Variants in SORCS2 observed in about 807,000 individuals in gnomAD.
SORCS2 encodes sortilin related VPS10 domain containing receptor 2.
A neutral mutation model predicts 141.6 loss-of-function variants in SORCS2; 100 were observed. The observed-to-expected ratio is 0.71, with a 90% CI of 0.60 to 0.83. The LOEUF (loss-of-function observed/expected upper bound fraction) is 0.83. SORCS2 is among the 40% of genes least tolerant of loss of function. SORCS2 has a pLI of 0.00. For synonymous variants in SORCS2, 789 were observed against 676.9 expected (o/e 1.17, Z -2.57); for missense variants, 1,646 against 1,560.2 (o/e 1.05, Z -0.93).
intron 1 of SORCS2, among the ~76,000 whole-genome samples, chr4:7,310,973 C>T (rs1323109919): frequency 3.9e-5 from 6 of 152,174 alleles, no homozygotes; most frequent in Admixed American, 6.5e-5. Flanking sequence ...TCAAAGTGCA[C>T]GATGTGCTGA....
intron 18 of SORCS2, among the ~76,000 whole-genome samples, chr4:7,722,722 G>C (rs777176674): frequency 6.6e-6 from 1 of 152,214 alleles, no homozygotes; most frequent in Non-Finnish European, 1.5e-5. Flanking sequence ...GTCACATTCT[G>C]AGGTTCCCGG....
intron 1 of SORCS2, among the ~76,000 whole-genome samples, chr4:7,219,543 C>A (rs1025684468): frequency 6.6e-6 from 1 of 152,156 alleles, no homozygotes; most frequent in Non-Finnish European, 1.5e-5. Context: ...AGGAAACTTA[C>A]GATCATGGTG....
chr4:7,699,860 G>C (rs913388442), intron 12 of SORCS2, among the ~76,000 whole-genome samples: 1 of 152,110 alleles, frequency 6.6e-6, no homozygotes, highest in Non-Finnish European at 1.5e-5. Flanking sequence ...GGAGCCCTTT[G>C]CTTGGGAATT....
At chr4:7,445,451 G>A (rs1342526231) in intron 2 of SORCS2, among the ~76,000 whole-genome samples, 1 of 152,164 alleles carries the variant, frequency 6.6e-6, no homozygotes, top group Admixed American at 6.5e-5. Context: ...CTGGAGGGAG[G>A]AATTTGGGTG....
At chr4:7,558,463 T>C (rs571104719) in intron 3 of SORCS2, among the ~76,000 whole-genome samples, 15 of 152,282 alleles carry the variant, frequency 9.9e-5, no homozygotes, top group African/African-American at 3.4e-4. Flanking sequence ...ACCCAGATGA[T>C]CCTGCCCCAG....
chr4:7,609,343 C>T (rs1718259016), intron 3 of SORCS2, among the ~76,000 whole-genome samples: 1 of 152,204 alleles, frequency 6.6e-6, no homozygotes, highest in Non-Finnish European at 1.5e-5. Flanking sequence ...AGCACCGTTT[C>T]TCTTCCTCAT....
At chr4:7,472,897 A>G (rs1182998864) in intron 2 of SORCS2, among the ~76,000 whole-genome samples, 1 of 149,134 alleles carries the variant, frequency 6.7e-6, no homozygotes, top group Non-Finnish European at 1.5e-5. Flanking sequence ...GCCTGAGTGG[A>G]TGGGGCCAAA....
At chr4:7,701,054 G>A (rs1199909017) in intron 12 of SORCS2, among the ~76,000 whole-genome samples, 2 of 152,202 alleles carry the variant, frequency 1.3e-5, no homozygotes, top group Non-Finnish European at 2.9e-5. Flanking sequence ...CCTGGATCCT[G>A]CAAGTCCCTG....
intron 2 of SORCS2, among the ~76,000 whole-genome samples, chr4:7,491,920 G>A (rs1211704025): frequency 6.6e-6 from 1 of 152,192 alleles, no homozygotes; most frequent in African/African-American, 2.4e-5. Flanking sequence ...CCTGGAGCAA[G>A]CCCAGTGCAG....
intron 1 of SORCS2, among the ~76,000 whole-genome samples, chr4:7,216,439 T>C (rs1004018326): frequency 1.2e-4 from 18 of 152,196 alleles, no homozygotes; most frequent in African/African-American, 3.9e-4. Context: ...ACTCAGTGGC[T>C]TGAAGCAACA....
intron 1 of SORCS2, among the ~76,000 whole-genome samples, chr4:7,285,517 G>A (rs1247575920): frequency 6.6e-6 from 1 of 152,224 alleles, no homozygotes; most frequent in Non-Finnish European, 1.5e-5. Flanking sequence ...GCTGCAGTGG[G>A]CGGTTGATTT....
intron 3 of SORCS2, among the ~76,000 whole-genome samples, chr4:7,603,365 C>G (rs998153442): frequency 8.5e-5 from 13 of 152,178 alleles, no homozygotes; most frequent in Non-Finnish European, 1.9e-4. Flanking sequence ...TCTGAAATGG[C>G]AAATCCTCTG....
chr4:7,260,355 C>T (rs1052064783), intron 1 of SORCS2, among the ~76,000 whole-genome samples: 4 of 151,992 alleles, frequency 2.6e-5, no homozygotes, highest in Non-Finnish European at 4.4e-5. Context: ...GCCTGGGCTC[C>T]TCTATCTGCC....
intron 1 of SORCS2, among the ~76,000 whole-genome samples, chr4:7,262,532 G>T (rs1714431558): frequency 6.6e-6 from 1 of 152,170 alleles, no homozygotes. Flanking sequence ...TAGTGTGGAG[G>T]ACACCAGATG....
At chr4:7,496,891 C>T (rs1308287744) in intron 2 of SORCS2, among the ~76,000 whole-genome samples, 2 of 152,220 alleles carry the variant, frequency 1.3e-5, no homozygotes, top group African/African-American at 4.8e-5. Flanking sequence ...GCTGCTTCTC[C>T]AGGCGAGGCC....
intron 2 of SORCS2, among the ~76,000 whole-genome samples, chr4:7,464,501 G>A (rs1007931439): frequency 2.0e-5 from 3 of 152,176 alleles, no homozygotes; most frequent in Middle Eastern, 3.2e-3. Context: ...AACTAGCTTG[G>A]ACTGAGCCCC....
intron 2 of SORCS2, among the ~76,000 whole-genome samples, chr4:7,501,426 C>G (rs931753765): frequency 6.6e-6 from 1 of 152,176 alleles, no homozygotes; most frequent in African/African-American, 2.4e-5. Context: ...GGGCTCCTTA[C>G]TGTAGGACAC....
At chr4:7,400,278 T>C (rs1469360902) in intron 2 of SORCS2, among the ~76,000 whole-genome samples, 1 of 152,194 alleles carries the variant, frequency 6.6e-6, no homozygotes, top group Non-Finnish European at 1.5e-5. Flanking sequence ...TTGTGCATGC[T>C]ACGGCTGCTG....
chr4:7,664,754 A>T lies in SORCS2; in HGVS notation c.1071+283A>T, dbSNP rs1722398716. On this transcript the variant is annotated intron_variant, in intron 7 of 26. Transcript: ENST00000507866. This position sits in a 1 kb window ranked among gnomAD's most constrained non-coding sequence, Gnocchi z 4.7. ...GGGGTCCCCAAACCTAAGCCCATTT[A>T]GCCCCATTTGGCTTTATCAGTGACT... Among the ~76,000 whole-genome samples, 3 of 152,064 alleles carry T rather than the reference A, an allele frequency of 2.0e-5. No individual in the cohort carries two copies. The highest frequency in any genetic ancestry group is 2.0e-4 in the Admixed American group (3 of 15,268).
Sources: gnomAD v4.1 joint callset for allele counts (sites outside exome capture counted in the v4.1 genomes callset) on GRCh38, gnomAD v4.1.1 for gene constraint, Gnocchi (gnomAD v3.1) non-coding constraint, MANE v1.5 for transcripts, NCBI Gene and HGNC (gene_info 2026-07-23, HGNC 2026-07-21) for gene names.